Variants in OR51B5 observed in about 807,000 individuals in gnomAD.
OR51B5 encodes olfactory receptor family 51 subfamily B member 5, also known as olfactory receptor 51B5.
For synonymous variants in OR51B5, 186 were observed against 144.8 expected (o/e 1.28, Z -2.04); for missense variants, 456 against 374.6 (o/e 1.22, Z -1.79).
intron 1 of OR51B5, chr11:5,505,529 A>T (rs1165943492): frequency 8.4e-7 from 1 of 1,189,560 alleles, no homozygotes; most frequent in Non-Finnish European, 1.1e-6. Context: ...TATACCCGAG[A>T]CTGGGCAATT....
chr11:5,494,714 A>G (rs780380577), intron 1 of OR51B5, among the ~76,000 whole-genome samples: 5 of 152,190 alleles, frequency 3.3e-5, no homozygotes, highest in Non-Finnish European at 5.9e-5. Flanking sequence ...CATGTATGAA[A>G]TGATATTTTC....
chr11:5,377,189 A>T (rs1849540687), intron 1 of OR51B5, among the ~76,000 whole-genome samples: 1 of 152,174 alleles, frequency 6.6e-6, no homozygotes, highest in South Asian at 2.1e-4. Context: ...CCAGCATATA[A>T]ACAGAACCAA....
At chr11:5,404,178 C>G (rs954728240) in intron 1 of OR51B5, among the ~76,000 whole-genome samples, 268 of 4,114 alleles carry the variant, frequency 0.065, 2 homozygotes, top group African/African-American at 0.12. Context: ...GCGGGGAGGG[C>G]GGGGGGCGGA....
chr11:5,466,766 G>A (rs1398051499), intron 1 of OR51B5, among the ~76,000 whole-genome samples: 3 of 152,184 alleles, frequency 2.0e-5, no homozygotes, highest in Non-Finnish European at 4.4e-5. Context: ...CTCTGTTGCT[G>A]TTCAAATGGC....
At chr11:5,340,635 A>G (rs1478048775), downstream of OR51B5, 3 of 152,186 alleles carry the variant, frequency 2.0e-5, no homozygotes, top group African/African-American at 7.2e-5. Context: ...AGTAGGTACT[A>G]CAAGCATGAC....
intron 1 of OR51B5, chr11:5,352,023 C>G (rs1474747158): frequency 2.5e-6 from 4 of 1,613,924 alleles, no homozygotes; most frequent in Admixed American, 1.7e-5. Context: ...CCCATGTACT[C>G]TCCCATGCTT....
chr11:5,343,517 G>A, exon 1 of OR51B5: 2 of 906,024 alleles, frequency 2.2e-6, no homozygotes, highest in Non-Finnish European at 3.6e-6. Context: ...GCTGCCGCTG[G>A]ACGACATCCT....
upstream of OR51B5, among the ~76,000 whole-genome samples, chr11:5,345,087 T>C (rs778864003): frequency 8.5e-5 from 13 of 152,210 alleles, no homozygotes; most frequent in Non-Finnish European, 1.6e-4. Context: ...AAGCAGGTAG[T>C]AATCAAGTGT....
intron 1 of OR51B5, among the ~76,000 whole-genome samples, chr11:5,461,991 T>A (rs1027506744): frequency 1.3e-5 from 2 of 152,320 alleles, no homozygotes; most frequent in East Asian, 1.9e-4. Context: ...TTAACCATCA[T>A]GGCTCTCTCC....
chr11:5,360,755 T>C (rs1409224551), intron 1 of OR51B5, among the ~76,000 whole-genome samples: 3 of 148,440 alleles, frequency 2.0e-5, no homozygotes, highest in African/African-American at 7.4e-5. Flanking sequence ...TGTCCAACAA[T>C]GATAGACTGG....
intron 1 of OR51B5, among the ~76,000 whole-genome samples, chr11:5,470,041 T>G (rs759608869): frequency 6.6e-6 from 1 of 152,252 alleles, no homozygotes; most frequent in Non-Finnish European, 1.5e-5. Context: ...CCTTTCTATA[T>G]TTTAACATGG....
At chr11:5,441,543 C>G (rs1850690357) in intron 1 of OR51B5, 5 of 1,542,464 alleles carry the variant, frequency 3.2e-6, no homozygotes, top group Non-Finnish European at 4.4e-6. Context: ...GGGAATGGAC[C>G]CAAGAGGGTG....
intron 1 of OR51B5, among the ~76,000 whole-genome samples, chr11:5,364,221 C>T (rs1849331050): frequency 6.6e-6 from 1 of 152,170 alleles, no homozygotes; most frequent in Non-Finnish European, 1.5e-5. Flanking sequence ...GTTCAAAAAG[C>T]TCATCTAGCT....
At chr11:5,475,533 T>C (rs1201731651) in intron 1 of OR51B5, among the ~76,000 whole-genome samples, 1 of 152,196 alleles carries the variant, frequency 6.6e-6, no homozygotes, top group Non-Finnish European at 1.5e-5. Context: ...TACTGCCTTA[T>C]GGATCCCCCT....
In OR51B5 at chr11:5,489,042, T is replaced by C. The variant is rs756412485; in HGVS notation, n.84+16527A>G. ...TGTTTTGTGTCCATTCTATCTATGC[T>C]CTGGAGTCCTCAATTCTACTTGCCA... On this transcript the variant is annotated intron_variant and non_coding_transcript_variant, in intron 1 of 4. Coordinates refer to the OR51B5 transcript ENST00000415970. 8 of 1,613,974 alleles carry C rather than the reference T, an allele frequency of 5.0e-6. No individual in the cohort carries two copies. The South Asian group carries it at 7.7e-5, about 16-fold the overall frequency.
chr11:5,475,385 G>A (rs1308921065), intron 1 of OR51B5, among the ~76,000 whole-genome samples: 2 of 152,110 alleles, frequency 1.3e-5, no homozygotes, highest in Admixed American at 6.5e-5. Context: ...CCTCGAAGAT[G>A]CAAGGATCAC....
chr11:5,422,630 G>C, intron 1 of OR51B5: 1 of 1,614,038 alleles, frequency 6.2e-7, no homozygotes, highest in South Asian at 1.1e-5. Context: ...TGAAGTCATT[G>C]GTAGAACTGG....
intron 1 of OR51B5, among the ~76,000 whole-genome samples, chr11:5,385,119 T>C (rs1310691941): frequency 6.6e-6 from 1 of 152,232 alleles, no homozygotes; most frequent in East Asian, 1.9e-4. Context: ...TTTTCTCCTG[T>C]GATCTAAGAT....
At position 5,368,660 on chromosome 11, in the gene OR51B5, G is replaced by A. The variant is rs1490258238; in HGVS notation, n.85-21750C>T. On this transcript the variant is annotated intron_variant and non_coding_transcript_variant, in intron 1 of 4. Transcript: ENST00000415970. ...TTTTATTCTCACATGCATCCTGTGA[G>A]AAAGCAGAGCATAGTAGAGGTTTCA... 2.6e-5 allele frequency among the ~76,000 whole-genome samples: 4 copies of A among 152,160 alleles called. 1 individual carries two copies. The highest frequency in any genetic ancestry group is 6.5e-5 in the Admixed American group (1 of 15,270).
Sources: gnomAD v4.1 joint callset for allele counts (sites outside exome capture counted in the v4.1 genomes callset) on GRCh38, gnomAD v4.1.1 for gene constraint, MANE v1.5 for transcripts, NCBI Gene and HGNC (gene_info 2026-07-23, HGNC 2026-07-21) for gene names.